PHAF1: variants seen among roughly 807,000 people sequenced by gnomAD.
PHAF1 encodes phagophore assembly factor 1, also known as phagosome assembly factor 1.
PHAF1 carries 23 observed loss-of-function variants against 63.1 expected under a neutral mutation model. The observed-to-expected ratio is 0.36, with a 90% CI of 0.26 to 0.52. The LOEUF is 0.52. PHAF1 is among the 20% of genes least tolerant of loss of function. PHAF1 has a pLI of 0.93. For missense variants in PHAF1, 427 were observed against 517.2 expected (o/e 0.83, Z 1.69); for synonymous variants, 167 against 185.0 (o/e 0.90, Z 0.79).
chr16:67,138,641 G>T (rs542324367), intron 8 of PHAF1, among the ~76,000 whole-genome samples: 2 of 152,250 alleles, frequency 1.3e-5, no homozygotes, highest in South Asian at 2.1e-4. Context: ...TTGTGTGTGT[G>T]TCATTAACTG....
At position 67,109,955 on chromosome 16, in the gene PHAF1, C is replaced by A. The variant is rs1962434731; in HGVS notation, c.-221C>A. The A allele has an allele frequency of 5.7e-6, 3 of 524,316 alleles. No individual in the cohort carries two copies. The highest frequency in any genetic ancestry group is 1.0e-5 in the Non-Finnish European group (3 of 298,912). The allele number at this position is 524,316 out of a possible 1,614,324, so 32.5% of individuals were successfully genotyped here. A position where few individuals can be genotyped will look rare whatever the true frequency, so the allele number is the denominator to read the frequency against. Reference sequence around the variant, plus strand: ...CCACTTTTACTGCAGTCGCGCCCGCCGCCGTCGTTGCCCCCGCTGCCGCGG... The same window carrying A: ...CCACTTTTACTGCAGTCGCGCCCGCAGCCGTCGTTGCCCCCGCTGCCGCGG... On this transcript the variant is annotated 5_prime_UTR_variant, in exon 1 of 16. Transcript: ENST00000219139.
At chr16:67,116,418 G>A (rs1003262068) in intron 1 of PHAF1, among the ~76,000 whole-genome samples, 3 of 151,950 alleles carry the variant, frequency 2.0e-5, no homozygotes, top group South Asian at 2.1e-4. Flanking sequence ...TTTGCATATC[G>A]CATCTCTTTG....
At chr16:67,142,715 C>T (rs1963858648) in intron 10 of PHAF1, among the ~76,000 whole-genome samples, 1 of 152,108 alleles carries the variant, frequency 6.6e-6, no homozygotes, top group Non-Finnish European at 1.5e-5. Context: ...TGCAGGGATG[C>T]CAGGGTCTGG....
At chr16:67,120,661 C>A (rs576127301) in intron 2 of PHAF1, among the ~76,000 whole-genome samples, 1 of 151,502 alleles carries the variant, frequency 6.6e-6, no homozygotes, top group South Asian at 2.1e-4. Context: ...TCTCAAAGAG[C>A]AATCTTCCCA....
intron 1 of PHAF1, among the ~76,000 whole-genome samples, chr16:67,111,640 T>G (rs1048282997): frequency 6.6e-6 from 1 of 152,310 alleles, no homozygotes; most frequent in Non-Finnish European, 1.5e-5. Flanking sequence ...TGTTTTGTTT[T>G]AAGACAGAGT....
At position 67,126,145 on chromosome 16, in the gene PHAF1, T is replaced by G. The variant is rs546660498; in HGVS notation, c.231+103T>G. The G allele has an allele frequency of 2.5e-5, 22 of 872,660 alleles. No individual in the cohort carries two copies. The African/African-American group carries it at 3.5e-4, about 14-fold the overall frequency. 54.1% of individuals were successfully genotyped at this position (872,660 alleles called of 1,614,324 possible). The stretch of plus-strand genomic sequence containing the variant: ...AGATGTTTCAAAACTTATAAGTAGG[T>G]GTGGACTTCTTTGGTTCAGAGATCA... On this transcript the variant is annotated intron_variant, in intron 3 of 15. Transcript: ENST00000219139.
intron 2 of PHAF1, among the ~76,000 whole-genome samples, chr16:67,123,035 A>G (rs1484835713): frequency 1.3e-5 from 2 of 151,588 alleles, no homozygotes; most frequent in African/African-American, 4.9e-5. Flanking sequence ...AGCCTAGGAT[A>G]ATCTTTGGAT....
chr16:67,140,527 C>T lies in PHAF1; in HGVS notation c.812C>T (p.Pro271Leu). Residue 271 changes from proline (P) to leucine (L), a missense_variant, in exon 10 of 16, where the codon CCT becomes CTT. Pro to Leu is a moderately conservative substitution (Grantham distance 98). Transcript: ENST00000219139. ...KSEDKMKIHS[P>L]SPHKQVPSKC... ...TCCCTACAGATGAAAATTCATTCTC[C>T]TTCCCCTCATAAACAAGTTCCATCG... The T allele has an allele frequency of 6.3e-7, 1 of 1,591,712 alleles. No homozygotes were observed. Among genetic ancestry groups the T allele is most frequent in the South Asian group, 1.1e-5 (1 of 90,616 alleles).
In PHAF1 at chr16:67,122,971, C is replaced by T. The variant is rs769006791; in HGVS notation, c.147+2777C>T. Among the ~76,000 whole-genome samples the T allele has an allele frequency of 5.9e-5, 9 of 151,876 alleles. No individual in the cohort carries two copies. In the South Asian group the frequency reaches 1.5e-3, roughly 25 times the overall value. On this transcript the variant is annotated intron_variant, in intron 2 of 15. Coordinates refer to ENST00000219139, the MANE Select transcript of PHAF1 (RefSeq NM_025187.5). ...CTCAAACTCCTGACCTCAAGTGATC[C>T]GCCCGTCTTGTCCTCCCAAAGTGCT... is the stretch of plus-strand genomic sequence containing the variant.
At chr16:67,134,632 G>A (rs769825301) in intron 8 of PHAF1, 165 bp downstream of exon 8, 29 of 721,842 alleles carry the variant, frequency 4.0e-5, no homozygotes, top group Non-Finnish European at 6.7e-5. Flanking sequence ...TTGCAGTTCT[G>A]GAGGCTGGGA....
chr16:67,132,670 TCCCCCTTGTTTTCAA>T, intron 5 of PHAF1, 132 bp from the exon 6 acceptor site: 1 of 1,191,486 alleles, frequency 8.4e-7, no homozygotes. Context: ...GGAAACATCC[TCCCCCTTGTTTTCAA>T]CCTAGTAGGC....
chr16:67,130,334 ACCGTGC>A (rs1363740599), intron 3 of PHAF1, among the ~76,000 whole-genome samples: 1 of 138,652 alleles, frequency 7.2e-6, no homozygotes, highest in Non-Finnish European at 1.5e-5. Flanking sequence ...GGCGTGAGCC[ACCGTGC>A]CCGGCCTTTT....
At chr16:67,112,546 A>G (rs755144165) in intron 1 of PHAF1, among the ~76,000 whole-genome samples, 1 of 151,810 alleles carries the variant, frequency 6.6e-6, no homozygotes, top group Non-Finnish European at 1.5e-5. Context: ...AAGGAGACAA[A>G]AAAAAAAAGT....
At chr16:67,120,968 C>T (rs1003767757) in intron 2 of PHAF1, among the ~76,000 whole-genome samples, 2 of 152,168 alleles carry the variant, frequency 1.3e-5, no homozygotes, top group Non-Finnish European at 2.9e-5. Context: ...GGAGCACAGT[C>T]AGAATTGGGC....
intron 10 of PHAF1, among the ~76,000 whole-genome samples, 177 bp downstream of exon 10, chr16:67,140,771 C>T (rs150912761): frequency 1.5e-3 from 221 of 152,342 alleles, no homozygotes; most frequent in African/African-American, 4.7e-3. Flanking sequence ...GTAGACCTTG[C>T]CTGCAACCAG....
intron 1 of PHAF1, among the ~76,000 whole-genome samples, chr16:67,114,546 C>T (rs1281949579): frequency 2.0e-5 from 3 of 148,918 alleles, no homozygotes; most frequent in African/African-American, 7.4e-5. Flanking sequence ...TGGAAATCTT[C>T]CAGTCGAATG....
At chr16:67,116,165 G>A (rs1223966542) in intron 1 of PHAF1, among the ~76,000 whole-genome samples, 1 of 152,122 alleles carries the variant, frequency 6.6e-6, no homozygotes, top group Non-Finnish European at 1.5e-5. Context: ...CAAAGGTGAG[G>A]GATGCATCCA....
Position 67,113,348 on chromosome 16 carries a change from G to A in PHAF1, c.64+3109G>A, listed in dbSNP as rs574178838. Reference sequence around the variant, plus strand: ...GCAACACAGGGAAAGGAAAACCTAGGCCAAGCAGAATCTCTGTGAATATGA... The same window carrying A: ...GCAACACAGGGAAAGGAAAACCTAGACCAAGCAGAATCTCTGTGAATATGA... On this transcript the variant is annotated intron_variant, in intron 1 of 15. Transcript: ENST00000219139. 8.7e-4 allele frequency among the ~76,000 whole-genome samples: 132 copies of A among 152,242 alleles called. 1 individual carries two copies. Among genetic ancestry groups the A allele is most frequent in the African/African-American group, 3.0e-3 (125 of 41,540 alleles).
chr16:67,126,484 G>A (rs1963192884), intron 3 of PHAF1, among the ~76,000 whole-genome samples: 1 of 151,978 alleles, frequency 6.6e-6, no homozygotes, highest in Admixed American at 6.5e-5. Flanking sequence ...CCCTGGGGAG[G>A]AAATGTAAAA....
Sources: gnomAD v4.1 joint callset for allele counts (sites outside exome capture counted in the v4.1 genomes callset) on GRCh38, gnomAD v4.1.1 for gene constraint, MANE v1.5 for transcripts, NCBI Gene and HGNC (gene_info 2026-07-23, HGNC 2026-07-21) for gene names.